CABIN1: variants seen among roughly 807,000 people sequenced by gnomAD.
CABIN1 encodes calcineurin-binding protein cabin-1.
CABIN1 carries 133 observed loss-of-function variants against 227.7 expected under a neutral mutation model. The ratio of observed to expected loss-of-function variants is 0.58; its 90% CI spans 0.51 to 0.67. The LOEUF is 0.67. Among genes scored for constraint, CABIN1 ranks in the 30% least tolerant of loss-of-function variants. CABIN1 has a pLI of 0.00. For missense variants in CABIN1, 2,408 were observed against 2,852.5 expected, an observed-to-expected ratio of 0.84 and a Z score of 3.55; for synonymous variants, 1,086 against 1,155.1, an observed-to-expected ratio of 0.94 and a Z score of 1.21.
At chr22:24,122,873 G>A (rs905174342) in intron 28 of CABIN1, among the ~76,000 whole-genome samples, 2 of 151,926 alleles carry the variant, frequency 1.3e-5, no homozygotes, top group African/African-American at 4.8e-5. Context: ...GTGTGCTTTC[G>A]AGACACCAGG....
chr22:24,110,308 T>C (rs892297221), intron 26 of CABIN1, among the ~76,000 whole-genome samples: 2 of 152,268 alleles, frequency 1.3e-5, no homozygotes, highest in African/African-American at 4.8e-5. Flanking sequence ...GGTGATACTG[T>C]ACTACTTCGT....
At chr22:24,068,115 A>G (rs1207359425) in intron 16 of CABIN1, among the ~76,000 whole-genome samples, 1 of 152,226 alleles carries the variant, frequency 6.6e-6, no homozygotes, top group Non-Finnish European at 1.5e-5. Context: ...GAACTGGGAA[A>G]TAGTTAAGAG....
At chr22:24,171,153 A>AAGGCCAGGCTGCAGGGAG (rs2046788260) in intron 33 of CABIN1, among the ~76,000 whole-genome samples, 3 of 152,222 alleles carry the variant, frequency 2.0e-5, no homozygotes, top group African/African-American at 7.2e-5. Context: ...AGCAGTTGCC[A>AAGGCCAGGCTGCAGGGAG]AGGCCAGGCT....
At chr22:24,159,585 G>C (rs188803673) in intron 29 of CABIN1, among the ~76,000 whole-genome samples, 121 of 152,290 alleles carry the variant, frequency 7.9e-4, no homozygotes, top group Non-Finnish European at 1.4e-3. Context: ...CAGCCATTCT[G>C]TCTACTCCCA....
Position 24,054,910 on chromosome 22 carries a change from A to G in CABIN1, c.844A>G (p.Asn282Asp). The G allele has an allele frequency of 1.2e-6, 2 of 1,614,218 alleles. No homozygotes were observed. The highest frequency in any genetic ancestry group is 1.7e-6 in the Non-Finnish European group (2 of 1,180,034). The change falls in exon 9 of 37, where the codon AAT becomes GAT. Residue 282 changes from asparagine to aspartate, a missense_variant. Physicochemically the swap from Asn to Asp is conservative, Grantham distance 23 (BLOSUM62 1). This residue lies in a region of CABIN1 where 1,045 missense variants were observed against 1,168.4 expected (regional missense o/e 0.89). Coordinates refer to ENST00000263119, the MANE Select transcript of CABIN1 (RefSeq NM_012295.4). ...CLGESLLAMYNHLTTCEPPRP... is the reference protein window; with the variant it reads ...CLGESLLAMYDHLTTCEPPRP... ...CGGAGAGAGCTTGCTGGCCATGTAC[A>G]ATCATCTCACCACCTGTGAGCCCCC...
In CABIN1 at chr22:24,070,977, G is replaced by A. The variant is rs2040044456; in HGVS notation, c.2410G>A (p.Gly804Ser). ...IEQALSADSS[G>S]SILKVSSSTT... ...GCAGGCCCTCTCTGCGGACAGCAGTGGTAGCATCCTGAAGGTATCATCCTC... is the reference window on the plus strand; with the variant it reads ...GCAGGCCCTCTCTGCGGACAGCAGTAGTAGCATCCTGAAGGTATCATCCTC... Residue 804 changes from glycine (G) to serine (S), a missense_variant, in exon 17 of 37, where the codon GGT becomes AGT. Physicochemically the swap from Gly to Ser is moderately conservative, Grantham distance 56. Around this residue, in one of 3 missense-constraint regions of CABIN1, gnomAD observed 1,045 missense variants for 1,168.4 expected, o/e 0.89. Transcript: ENST00000263119. 1 of 1,614,230 alleles carries A rather than the reference G, an allele frequency of 6.2e-7. No individual in the cohort carries two copies. The highest frequency in any genetic ancestry group is 8.5e-7 in the Non-Finnish European group (1 of 1,180,038).
Position 24,060,969 on chromosome 22 carries a change from CTTGCCATG to C in CABIN1, c.1617+842_1617+849del, listed in dbSNP as rs1003084296. ...TTTTGTTACGATGTTAGGATGTGGT[CTTGCCATG>C]TTGCCATGTTGCCCAGACTGGTCTG... is the stretch of plus-strand genomic sequence containing the variant. On this transcript the variant is annotated intron_variant, in intron 12 of 36. Transcript: ENST00000263119. Among the ~76,000 whole-genome samples, 8 of 152,250 alleles carry C rather than the reference CTTGCCATG, an allele frequency of 5.3e-5. No individual in the cohort carries two copies. The South Asian group carries it at 8.3e-4, about 16-fold the overall frequency.
chr22:24,029,637 CATT>C (rs1417511356), intron 1 of CABIN1, among the ~76,000 whole-genome samples: 1 of 152,054 alleles, frequency 6.6e-6, no homozygotes, highest in Non-Finnish European at 1.5e-5. Context: ...CCAATGTGTC[CATT>C]ATTCTGGCTT....
chr22:24,073,671 C>T (rs1326411795), intron 18 of CABIN1, among the ~76,000 whole-genome samples: 4 of 152,168 alleles, frequency 2.6e-5, no homozygotes, highest in African/African-American at 9.6e-5. Flanking sequence ...TGATGCTGCC[C>T]ATGGGTGTGG....
chr22:24,043,205 G>T, intron 6 of CABIN1, 121 bp downstream of exon 6: 1 of 760,938 alleles, frequency 1.3e-6, no homozygotes, highest in Non-Finnish European at 2.2e-6. Context: ...GACTGTCAGG[G>T]AGAATGGCAA....
At chr22:24,018,133 G>T (rs1461326144) in intron 1 of CABIN1, among the ~76,000 whole-genome samples, 1 of 152,114 alleles carries the variant, frequency 6.6e-6, no homozygotes, top group Admixed American at 6.6e-5. Context: ...GGGACTAAAG[G>T]TGTGAGCCAC....
At chr22:24,169,426 G>A (rs985242106) in intron 33 of CABIN1, among the ~76,000 whole-genome samples, 2 of 152,110 alleles carry the variant, frequency 1.3e-5, no homozygotes, top group Non-Finnish European at 2.9e-5. Flanking sequence ...GGAGCCTCAG[G>A]CCCCCACCAC....
chr22:24,094,823 C>CAAAA (rs201624847), intron 24 of CABIN1, among the ~76,000 whole-genome samples: 5 of 78,330 alleles, frequency 6.4e-5, no homozygotes, highest in African/African-American at 2.0e-4. Context: ...GACTCCGTCT[C>CAAAA]AAAAAAAAAA....
chr22:24,052,525 T>C (rs1368621245), intron 8 of CABIN1, among the ~76,000 whole-genome samples: 1 of 151,702 alleles, frequency 6.6e-6, no homozygotes, highest in Non-Finnish European at 1.5e-5. Flanking sequence ...GCATGGTGGC[T>C]AACGCCTATA....
intron 16 of CABIN1, 98 bp from the exon 17 acceptor site, chr22:24,070,702 T>C: frequency 3.8e-6 from 6 of 1,565,394 alleles, no homozygotes; most frequent in Non-Finnish European, 4.4e-6. Flanking sequence ...TTTCTTTTGC[T>C]GCCCCTCATC....
At chr22:24,024,483 G>A (rs1032404002) in intron 1 of CABIN1, among the ~76,000 whole-genome samples, 2 of 152,144 alleles carry the variant, frequency 1.3e-5, no homozygotes, top group Non-Finnish European at 2.9e-5. Context: ...TGACTATAAT[G>A]TGTCTCAATG....
At chr22:24,048,374 G>A (rs935942417) in intron 6 of CABIN1, among the ~76,000 whole-genome samples, 2 of 152,084 alleles carry the variant, frequency 1.3e-5, no homozygotes, top group Non-Finnish European at 2.9e-5. Context: ...TGTGGAATTG[G>A]ACATACTTTA....
rs1431129938 is a variant in CABIN1, at chr22:24,038,366, T to C, written c.115T>C (p.Leu39=). ...KEAQEAEAFA[L]YHKALDLQKH... ...TTTGCAGGAAGCAGAGGCTTTTGCA[T>C]TGTACCACAAGGCCCTTGATCTGCA... is the stretch of plus-strand genomic sequence containing the variant. The change falls in exon 4 of 37, where the codon TTG becomes CTG. Residue 39 remains leucine (L), a synonymous_variant. Transcript: ENST00000263119. 5 of 1,613,816 alleles carry C rather than the reference T, an allele frequency of 3.1e-6. No individual in the cohort carries two copies. In the East Asian group the frequency reaches 1.1e-4, roughly 36 times the overall value.
At chr22:24,133,814 G>T (rs2044222316) in intron 28 of CABIN1, among the ~76,000 whole-genome samples, 1 of 152,210 alleles carries the variant, frequency 6.6e-6, no homozygotes, top group Admixed American at 6.5e-5. Flanking sequence ...CCTGGGCCTG[G>T]ATTCCACCAA....
Sources: allele counts gnomAD v4.1 joint callset (sites outside exome capture counted in the v4.1 genomes callset), GRCh38; gene constraint gnomAD v4.1.1; regional missense constraint gnomAD v4.1.1; transcripts MANE v1.5; gene names NCBI Gene and HGNC (gene_info 2026-07-23, HGNC 2026-07-21).